Variants in IL12RB1 observed in about 807,000 individuals in gnomAD.
IL12RB1 encodes the protein interleukin 12 receptor subunit beta 1.
Under a neutral mutation model 94.4 loss-of-function variants are expected in IL12RB1, and 64 were observed. The ratio of observed to expected loss-of-function variants is 0.68; its 90% CI spans 0.55 to 0.83. The LOEUF (loss-of-function observed/expected upper bound fraction) is 0.83. IL12RB1 is among the 40% of genes least tolerant of loss of function. The pLI is 0.00. For synonymous variants in IL12RB1, 362 were observed against 355.5 expected (o/e 1.02, Z -0.21); for missense variants, 814 against 855.6 (o/e 0.95, Z 0.61).
chr19:18,060,070 T>G lies in IL12RB1; in HGVS notation c.1807A>C (p.Asn603His). 6.3e-7 allele frequency: 1 copy of G among 1,598,464 alleles called. No homozygotes were observed. The highest frequency in any genetic ancestry group is 1.7e-4 in the Middle Eastern group (1 of 6,024). ...GCCTCTTCCTGGAAGTCCACTGGGT[T>G]GATCCACTGCCAAGTCTGCAGAGGG... ...PGGKETWQWI[N>H]PVDFQEEASL... The change falls in exon 16 of 17, where the codon AAC becomes CAC. Residue 603 changes from asparagine to histidine, a missense_variant. Coordinates refer to ENST00000593993, the MANE Select transcript of IL12RB1 (RefSeq NM_005535.3).
At chr19:18,059,840 C>T in intron 16 of IL12RB1, 54 bp downstream of exon 16, 4 of 1,053,722 alleles carry the variant, frequency 3.8e-6, no homozygotes, top group South Asian at 1.3e-5. Flanking sequence ...CTAGCCCCCC[C>T]ACCCCCCGGG....
upstream of IL12RB1, among the ~76,000 whole-genome samples, chr19:18,091,248 C>T (rs934556541): frequency 1.3e-5 from 2 of 152,248 alleles, no homozygotes; most frequent in African/African-American, 2.4e-5. Flanking sequence ...CTCCTTCCCT[C>T]CGTCTCTAGG....
chr19:18,098,589 T>A (rs1397368871), intron 1 of IL12RB1, among the ~76,000 whole-genome samples: 1 of 152,040 alleles, frequency 6.6e-6, no homozygotes, highest in Non-Finnish European at 1.5e-5. Flanking sequence ...ACACAGGGAC[T>A]ACATGACCCC....
chr19:18,073,262 T>C (rs1259220580), intron 8 of IL12RB1, among the ~76,000 whole-genome samples: 4 of 152,010 alleles, frequency 2.6e-5, no homozygotes, highest in African/African-American at 7.2e-5. Flanking sequence ...TTCTGTGCAA[T>C]TCCCCCACAC....
chr19:18,075,705 A>G, intron 7 of IL12RB1, 44 bp downstream of exon 7: 2 of 1,580,958 alleles, frequency 1.3e-6, no homozygotes, highest in South Asian at 2.2e-5. Context: ...CTGTTGCCTT[A>G]TTTCTAATGC....
upstream of IL12RB1, among the ~76,000 whole-genome samples, chr19:18,090,178 TGG>T (rs1465561443): frequency 6.6e-6 from 1 of 152,036 alleles, no homozygotes; most frequent in African/African-American, 2.4e-5. Context: ...CTGGGCAACA[TGG>T]TGAGACTCCA....
At position 18,077,549 on chromosome 19, in the gene IL12RB1, G is replaced by C. The variant is rs747933342; in HGVS notation, c.516C>G (p.Phe172Leu). 1.3e-5 allele frequency: 21 copies of C among 1,612,312 alleles called. No homozygotes were observed. Among genetic ancestry groups the C allele is most frequent in the Non-Finnish European group, 1.4e-5 (16 of 1,178,970 alleles). The change falls in exon 5 of 17, where the codon TTC becomes TTG. Residue 172 changes from phenylalanine to leucine, a missense_variant. By Grantham distance (22) the Phe-to-Leu change is conservative (BLOSUM62 0). Coordinates refer to ENST00000593993, the MANE Select transcript of IL12RB1 (RefSeq NM_005535.3). ...PDNQVGAEVQFRHRTPSSPWK... is the reference protein window; with the variant it reads ...PDNQVGAEVQLRHRTPSSPWK... The stretch of plus-strand genomic sequence containing the variant: ...ATGGGCTGCTGGGTGTCCGGTGCCG[G>C]AACTGCACCTCAGCACCAACCTGGT...
chr19:18,085,396 C>T (rs978453854), intron 1 of IL12RB1, among the ~76,000 whole-genome samples: 3 of 143,034 alleles, frequency 2.1e-5, no homozygotes, highest in Non-Finnish European at 3.0e-5. Flanking sequence ...CCTGGACTGA[C>T]CACTCACTGC....
At position 18,086,763 on chromosome 19, in the gene IL12RB1, C is replaced by T. The variant is rs758204377; in HGVS notation, c.61G>A (p.Gly21Ser). ...LLFLFLLSRQGAACRTSECCF... is the reference protein window; with the variant it reads ...LLFLFLLSRQSAACRTSECCF... Reference sequence around the variant, plus strand: ...ATGCCAGGGTCAGGGGACTCACCGCCCTGCCTGGACAGCAGGAAGAGGAAG... The same window carrying T: ...ATGCCAGGGTCAGGGGACTCACCGCTCTGCCTGGACAGCAGGAAGAGGAAG... Residue 21 changes from glycine (G) to serine (S), a missense_variant, in exon 1 of 17, where the codon GGC (glycine) becomes AGC (serine). Transcript: ENST00000593993. 5.3e-5 allele frequency: 86 copies of T among 1,609,948 alleles called. No homozygotes were observed. The highest frequency in any genetic ancestry group is 2.3e-4 in the Admixed American group (14 of 59,660).
At position 18,096,500 on chromosome 19, in the gene IL12RB1, G is replaced by C. The variant is rs2036940600; in HGVS notation, c.-230+2255C>G. On this transcript the variant is annotated intron_variant, in intron 1 of 4. Transcript: ENST00000594176. Reference sequence around the variant, plus strand: ...AAAGGGAGGCAAACAAGGCTGAGTGGTGCAAGGACAAGGGTCTGATCATGT... The same window carrying C: ...AAAGGGAGGCAAACAAGGCTGAGTGCTGCAAGGACAAGGGTCTGATCATGT... 2.0e-5 allele frequency among the ~76,000 whole-genome samples: 3 copies of C among 152,136 alleles called. No homozygotes were observed. The South Asian group carries it at 6.2e-4, about 31-fold the overall frequency.
intron 7 of IL12RB1, 43 bp downstream of exon 7, chr19:18,075,706 T>C (rs199817438): frequency 1.3e-6 from 2 of 1,583,332 alleles, no homozygotes; most frequent in Admixed American, 1.7e-5. Flanking sequence ...TGTTGCCTTA[T>C]TTCTAATGCT....
intron 4 of IL12RB1, among the ~76,000 whole-genome samples, chr19:18,080,007 T>C (rs2035775370): frequency 6.6e-6 from 1 of 152,112 alleles, no homozygotes; most frequent in Non-Finnish European, 1.5e-5. Context: ...GCTTTGTCCA[T>C]GTTGTGGCAA....
rs77932846 is a variant in IL12RB1, at chr19:18,066,043, T to A, written c.1483+499A>T. ...ACAGAGTGAGTCCCTGTCTATAAAA[T>A]TAAAAAAAAAAAAAAAAAGACCCTC... On this transcript the variant is annotated intron_variant, in intron 12 of 16. Transcript: ENST00000593993. Among the ~76,000 whole-genome samples, 294 of 132,492 alleles carry A rather than the reference T, an allele frequency of 2.2e-3. 1 individual carries two copies. The highest frequency in any genetic ancestry group is 7.8e-3 in the African/African-American group (220 of 28,338). 86.9% of individuals were successfully genotyped at this position (132,492 alleles called of 152,430 possible).
At chr19:18,095,218 G>A (rs749705759) in intron 1 of IL12RB1, among the ~76,000 whole-genome samples, 12 of 152,064 alleles carry the variant, frequency 7.9e-5, no homozygotes, top group Non-Finnish European at 1.3e-4. Flanking sequence ...GCAAAAAGTT[G>A]TATGCCAATG....
At chr19:18,090,498 T>G (rs141325781), upstream of IL12RB1, among the ~76,000 whole-genome samples, 1,166 of 152,276 alleles carry the variant, frequency 7.7e-3, 17 homozygotes, top group African/African-American at 0.026. Context: ...CCAGGGGCAC[T>G]CAGACCACCT....
intron 1 of IL12RB1, among the ~76,000 whole-genome samples, chr19:18,094,126 T>G (rs1179059150): frequency 6.6e-6 from 1 of 152,206 alleles, no homozygotes; most frequent in Non-Finnish European, 1.5e-5. Flanking sequence ...GTGTTTTGTT[T>G]TGTCTTGTTT....
chr19:18,071,677 A>T (rs1412653916), intron 9 of IL12RB1, among the ~76,000 whole-genome samples: 3 of 147,684 alleles, frequency 2.0e-5, no homozygotes, highest in South Asian at 2.1e-4. Context: ...TGATTATTGA[A>T]TTTTTTTTTT....
intron 1 of IL12RB1, 47 bp from the exon 2 acceptor site, chr19:18,083,538 G>T: frequency 6.3e-7 from 1 of 1,586,110 alleles, no homozygotes; most frequent in Non-Finnish European, 8.7e-7. Context: ...CTTGCACTGT[G>T]TGGGGAGAAG....
chr19:18,080,314 C>T (rs929621505), intron 4 of IL12RB1, among the ~76,000 whole-genome samples: 2 of 152,136 alleles, frequency 1.3e-5, no homozygotes, highest in Non-Finnish European at 1.5e-5. Flanking sequence ...TCTCAGCTCA[C>T]TGTAACCTCC....
Sources: allele counts gnomAD v4.1 joint callset (sites outside exome capture counted in the v4.1 genomes callset), GRCh38; gene constraint gnomAD v4.1.1; transcripts MANE v1.5; gene names NCBI Gene and HGNC (gene_info 2026-07-23, HGNC 2026-07-21).